The following CDC14B variants were observed in gnomAD, a reference collection of about 807,000 sequenced individuals.
CDC14B encodes the protein cell division cycle 14B, also known as dual specificity protein phosphatase CDC14B.
A neutral mutation model predicts 64.2 loss-of-function variants in CDC14B; 22 were observed. The ratio of observed to expected loss-of-function variants is 0.34; its 90% confidence interval spans 0.24 to 0.49. CDC14B has a LOEUF of 0.49. Among genes scored for constraint, CDC14B ranks in the 20% least tolerant of loss-of-function variants. The pLI is 0.99. For synonymous variants in CDC14B, 191 were observed against 215.8 expected (o/e 0.89, Z 1.01); for missense variants, 498 against 629.9 (o/e 0.79, Z 2.24).
intron 1 of CDC14B, among the ~76,000 whole-genome samples, chr9:96,617,647 G>A (rs1309847250): frequency 6.6e-6 from 1 of 152,142 alleles, no homozygotes; most frequent in Non-Finnish European, 1.5e-5. Flanking sequence ...AGTATATATA[G>A]TATGCATGCA....
At chr9:96,590,487 A>G (rs1297321406) in intron 1 of CDC14B, among the ~76,000 whole-genome samples, 4 of 152,168 alleles carry the variant, frequency 2.6e-5, no homozygotes, top group Non-Finnish European at 5.9e-5. Context: ...TCCTGTTTTC[A>G]ATTCTTTTGG....
At chr9:96,523,848 G>A (rs1310911930) in intron 9 of CDC14B, 123 bp from the exon 10 acceptor site, 36 of 952,086 alleles carry the variant, frequency 3.8e-5, no homozygotes, top group Non-Finnish European at 5.2e-5. Flanking sequence ...TGGTTCTCAA[G>A]GCTGGTTACA....
intron 1 of CDC14B, among the ~76,000 whole-genome samples, chr9:96,602,896 G>A (rs779171764): frequency 5.9e-5 from 9 of 151,960 alleles, no homozygotes; most frequent in Non-Finnish European, 1.2e-4. Flanking sequence ...GGGGAGAGAC[G>A]CAGGTTTAGC....
intron 1 of CDC14B, among the ~76,000 whole-genome samples, chr9:96,600,382 A>G (rs1052301841): frequency 6.6e-6 from 1 of 152,114 alleles, no homozygotes; most frequent in African/African-American, 2.4e-5. Context: ...GAGGCTCTTC[A>G]CTTTATACTT....
At position 96,501,501 on chromosome 9, in the gene CDC14B, C is replaced by T. The variant is rs965839184; in HGVS notation, c.*2252G>A. ...ATAGCAGGAAGAACTTTCCATCCCTCAGACCCAGAGACTTCCTGGATGCTA... is the reference window on the plus strand; with the variant it reads ...ATAGCAGGAAGAACTTTCCATCCCTTAGACCCAGAGACTTCCTGGATGCTA... On this transcript the variant is annotated 3_prime_UTR_variant, in exon 14 of 14. Transcript: ENST00000375241. The T allele has an allele frequency of 2.0e-5, 3 of 152,396 alleles. No homozygotes were observed. Among genetic ancestry groups the T allele is most frequent in the African/African-American group, 7.2e-5 (3 of 41,566 alleles). The allele number at this position is 152,396 out of a possible 1,614,324, so 9.4% of individuals were successfully genotyped here.
chr9:96,536,650 CG>C (rs1202039110), intron 7 of CDC14B, among the ~76,000 whole-genome samples: 1 of 152,068 alleles, frequency 6.6e-6, no homozygotes. Flanking sequence ...TTCAGTTAAA[CG>C]TAAGAGTTTG....
intron 1 of CDC14B, chr9:96,618,679 G>A (rs1428882275): frequency 2.0e-6 from 1 of 490,146 alleles, no homozygotes; most frequent in South Asian, 1.5e-5. Context: ...AGAGGGGCTC[G>A]GGCTTACGCG....
rs763042555 is a variant in CDC14B at position 96,562,742 on chromosome 9, G to C, written c.371C>G (p.Ser124Cys). ...LRKKIVHFTG[S>C]DQRKQANAAF... ...AGCATTTGCTTGTTTTCTCTGATCAGAGCCAGTAAAATGAACAATTTTCTT... is the reference window on the plus strand; with the variant it reads ...AGCATTTGCTTGTTTTCTCTGATCACAGCCAGTAAAATGAACAATTTTCTT... The change falls in exon 4 of 14, where the codon TCT becomes TGT. Residue 124 changes from serine to cysteine, a missense_variant. Ser to Cys is a moderately radical substitution (Grantham distance 112). Transcript: ENST00000375241. 7 of 1,612,078 alleles carry C rather than the reference G, an allele frequency of 4.3e-6. No homozygotes were observed. In the South Asian group the frequency reaches 4.4e-5, roughly 10 times the overall value.
intron 1 of CDC14B, among the ~76,000 whole-genome samples, chr9:96,573,761 T>G (rs1041934165): frequency 6.6e-6 from 1 of 152,154 alleles, no homozygotes; most frequent in African/African-American, 2.4e-5. Flanking sequence ...ATTTACATGT[T>G]ACATGTAATA....
chr9:96,590,655 T>G (rs1280960258), intron 1 of CDC14B, among the ~76,000 whole-genome samples: 1 of 152,094 alleles, frequency 6.6e-6, no homozygotes, highest in Non-Finnish European at 1.5e-5. Context: ...TCCTGGTTTT[T>G]TTTTTTTTTC....
At chr9:96,610,974 G>A (rs988604433) in intron 1 of CDC14B, among the ~76,000 whole-genome samples, 9 of 151,914 alleles carry the variant, frequency 5.9e-5, no homozygotes, top group Non-Finnish European at 1.2e-4. Flanking sequence ...AGGAAAGGAC[G>A]GAACCAAGAA....
At chr9:96,495,391 G>GCCCC (rs71499002), downstream of CDC14B, among the ~76,000 whole-genome samples, 3 of 140,084 alleles carry the variant, frequency 2.1e-5, no homozygotes, top group Admixed American at 7.4e-5. Context: ...CATGTGTGCT[G>GCCCC]CCCCCCCCCG....
chr9:96,506,408 C>A (rs7035310), intron 13 of CDC14B, among the ~76,000 whole-genome samples: 77,494 of 151,982 alleles, frequency 0.51, 20,019 homozygotes, highest in African/African-American at 0.59. Context: ...ATTCTTAAAA[C>A]CTATACATAA....
intron 1 of CDC14B, among the ~76,000 whole-genome samples, chr9:96,592,138 G>C (rs1220600925): frequency 6.6e-6 from 1 of 152,104 alleles, no homozygotes; most frequent in Non-Finnish European, 1.5e-5. Context: ...GAGTACAGTG[G>C]AAAAATCACA....
At chr9:96,581,495 T>C (rs1291335680) in intron 1 of CDC14B, among the ~76,000 whole-genome samples, 4 of 150,460 alleles carry the variant, frequency 2.7e-5, no homozygotes, top group Non-Finnish European at 4.4e-5. Context: ...ATTAAATTAA[T>C]TAAATTTAAA....
rs1847845245 is a variant in CDC14B, at chr9:96,619,469, CG to C, written c.-92del. The C allele has an allele frequency of 2.8e-6, 2 of 707,384 alleles. No homozygotes were observed. Among genetic ancestry groups the C allele is most frequent in the East Asian group, 2.7e-4 (2 of 7,396 alleles). 43.8% of individuals were successfully genotyped at this position (707,384 alleles called of 1,614,324 possible). On this transcript the variant is annotated 5_prime_UTR_variant, in exon 1 of 14. Transcript: ENST00000375241. ...CTCCCGCCAGCCCCGCGCGGGCGCT[CG>C]GGGCGGCGGGCGCAGAGCGGCGCTG... is the stretch of plus-strand genomic sequence containing the variant.
chr9:96,544,727 G>A (rs1043684145), intron 5 of CDC14B, among the ~76,000 whole-genome samples: 1 of 152,110 alleles, frequency 6.6e-6, no homozygotes, highest in Non-Finnish European at 1.5e-5. Flanking sequence ...GAACTCCTGA[G>A]CTCAAGCACT....
At chr9:96,545,540 A>G (rs1755735351) in intron 5 of CDC14B, among the ~76,000 whole-genome samples, 1 of 151,998 alleles carries the variant, frequency 6.6e-6, no homozygotes, top group African/African-American at 2.4e-5. Context: ...GGATGGTCTC[A>G]ATCTCCTGAC....
intron 1 of CDC14B, among the ~76,000 whole-genome samples, chr9:96,579,119 A>G (rs902869843): frequency 6.6e-6 from 1 of 151,442 alleles, no homozygotes; most frequent in Admixed American, 6.6e-5. Context: ...CACCCAGCCC[A>G]GTGTTGGTTT....
Sources: allele counts gnomAD v4.1 joint callset (sites outside exome capture counted in the v4.1 genomes callset), GRCh38; gene constraint gnomAD v4.1.1; transcripts MANE v1.5; gene names NCBI Gene and HGNC (gene_info 2026-07-23, HGNC 2026-07-21).